MORC2: variants seen among roughly 807,000 people sequenced by gnomAD.
The protein encoded by MORC2 is ATPase MORC2.
A neutral mutation model predicts 136.0 loss-of-function variants in MORC2; 30 were observed. The ratio of observed to expected loss-of-function variants is 0.22; its 90% CI spans 0.17 to 0.30. The LOEUF (loss-of-function observed/expected upper bound fraction) is 0.30, where lower values mean the gene tolerates loss of function less well. MORC2 is among the 10% of genes least tolerant of loss of function. The pLI, the probability that MORC2 is intolerant of heterozygous loss-of-function variation, is 1.00. For missense variants in MORC2, 922 were observed against 1,333.1 expected (o/e 0.69, Z 4.80); for synonymous variants, 439 against 487.0 (o/e 0.90, Z 1.30).
At chr22:30,956,120 A>C (rs1228941645) in intron 3 of MORC2, among the ~76,000 whole-genome samples, 1 of 152,210 alleles carries the variant, frequency 6.6e-6, no homozygotes, top group African/African-American at 2.4e-5. Flanking sequence ...AACTATTAAA[A>C]TTAATGAGTT....
chr22:30,936,897 G>A (rs764015049), intron 16 of MORC2, 35 bp downstream of exon 16: 1 of 1,580,388 alleles, frequency 6.3e-7, no homozygotes, highest in Non-Finnish European at 8.7e-7. Flanking sequence ...GGGGAGAAAA[G>A]TACCCACAAT....
At chr22:30,951,940 C>A (rs1807686) in intron 3 of MORC2, among the ~76,000 whole-genome samples, 1 of 151,602 alleles carries the variant, frequency 6.6e-6, no homozygotes, top group Non-Finnish European at 1.5e-5. Flanking sequence ...AGAGTAGCTT[C>A]TGTAAGGCTA....
chr22:30,946,525 G>C, intron 5 of MORC2, 76 bp from the exon 6 acceptor site: 1 of 1,306,204 alleles, frequency 7.7e-7, no homozygotes, highest in South Asian at 1.4e-5. Context: ...AATCCACTCT[G>C]GACATGATTG....
intron 1 of MORC2, among the ~76,000 whole-genome samples, chr22:30,964,633 C>T (rs528826785): frequency 3.9e-5 from 6 of 152,338 alleles, no homozygotes; most frequent in South Asian, 2.1e-4. Flanking sequence ...AAAACCCTAA[C>T]ATTTATCATC....
At chr22:30,952,472 T>A (rs779158693) in intron 3 of MORC2, among the ~76,000 whole-genome samples, 3 of 152,232 alleles carry the variant, frequency 2.0e-5, no homozygotes, top group Non-Finnish European at 1.5e-5. Context: ...GGGGCTGGTA[T>A]CCTTTTCTGG....
intron 17 of MORC2, 96 bp downstream of exon 17, chr22:30,936,415 A>G: frequency 6.5e-7 from 1 of 1,535,790 alleles, no homozygotes; most frequent in Non-Finnish European, 8.8e-7. Flanking sequence ...GGAGGGTAAA[A>G]CTGAGCCTGA....
At chr22:30,935,606 G>A (rs749464173) in intron 17 of MORC2, among the ~76,000 whole-genome samples, 6 of 152,126 alleles carry the variant, frequency 3.9e-5, no homozygotes, top group Non-Finnish European at 5.9e-5. Context: ...GAAAGGGCCC[G>A]AAGGATAGGG....
intron 24 of MORC2, among the ~76,000 whole-genome samples, chr22:30,929,360 C>G (rs1284786656): frequency 6.6e-6 from 1 of 152,156 alleles, no homozygotes; most frequent in African/African-American, 2.4e-5. Context: ...GCTCCTGAGG[C>G]TCTATGGAAC....
At chr22:30,944,873 G>A (rs945385543) in intron 6 of MORC2, among the ~76,000 whole-genome samples, 1 of 152,140 alleles carries the variant, frequency 6.6e-6, no homozygotes, top group Non-Finnish European at 1.5e-5. Context: ...CCTCTCAACT[G>A]GAACACTCCA....
intron 9 of MORC2, 37 bp from the exon 10 acceptor site, chr22:30,940,874 G>A: frequency 6.4e-7 from 1 of 1,553,816 alleles, no homozygotes; most frequent in Non-Finnish European, 8.9e-7. Context: ...GGCCCACGCA[G>A]CAGTGGGGCA....
At chr22:30,952,547 T>G (rs1281422351) in intron 3 of MORC2, among the ~76,000 whole-genome samples, 1 of 152,194 alleles carries the variant, frequency 6.6e-6, no homozygotes, top group African/African-American at 2.4e-5. Context: ...ACTGGGGGGA[T>G]CCTCCTGGCT....
At chr22:30,950,337 G>GCGGGCC in intron 4 of MORC2, 40 bp downstream of exon 4, 2 of 761,762 alleles carry the variant, frequency 2.6e-6, no homozygotes, top group Non-Finnish European at 4.7e-6. Context: ...TGGTTACATC[G>GCGGGCC]CACCCCCCCA....
In MORC2 at chr22:30,926,736, G is replaced by T; in HGVS notation, c.*67C>A. The T allele has an allele frequency of 1.5e-6, 2 of 1,378,064 alleles. No homozygotes were observed. Among genetic ancestry groups the T allele is most frequent in the Non-Finnish European group, 2.0e-6 (2 of 982,380 alleles). 85.4% of individuals were successfully genotyped at this position (1,378,064 alleles called of 1,614,324 possible). On this transcript the variant is annotated 3_prime_UTR_variant, in exon 26 of 26. Coordinates refer to ENST00000397641, the MANE Select transcript of MORC2 (RefSeq NM_001303256.3). The stretch of plus-strand genomic sequence containing the variant: ...GTGCGACCACCAACCCATGAATGAA[G>T]TCCCCTCCCCCTGCAGCTACAGGGT...
At chr22:30,950,337 G>GCGGGGGCC in intron 4 of MORC2, 40 bp downstream of exon 4, 4 of 761,720 alleles carry the variant, frequency 5.3e-6, no homozygotes, top group Non-Finnish European at 9.4e-6. Context: ...TGGTTACATC[G>GCGGGGGCC]CACCCCCCCA....
At chr22:30,943,569 C>A (rs889649148) in intron 6 of MORC2, among the ~76,000 whole-genome samples, 1 of 152,216 alleles carries the variant, frequency 6.6e-6, no homozygotes, top group African/African-American at 2.4e-5. Flanking sequence ...TATGAGGCCG[C>A]AGCCCTTGCA....
Position 30,936,503 on chromosome 22 carries a change from C to A in MORC2, c.1737+8G>T, listed in dbSNP as rs758418910. The A allele has an allele frequency of 6.2e-7, 1 of 1,613,960 alleles. No individual in the cohort carries two copies. The highest frequency in any genetic ancestry group is 8.5e-7 in the Non-Finnish European group (1 of 1,179,894). ...GCTGGCTTTGCCCACTGACCATGAC[C>A]CACGTACCTGAAGGGCCTCCAGCTT... On this transcript the variant is annotated splice_region_variant and intron_variant, in intron 17 of 25. Coordinates refer to ENST00000397641, the MANE Select transcript of MORC2 (RefSeq NM_001303256.3).
chr22:30,940,504 T>C (rs2040727146), intron 10 of MORC2, among the ~76,000 whole-genome samples: 1 of 152,128 alleles, frequency 6.6e-6, no homozygotes, highest in Non-Finnish European at 1.5e-5. Context: ...GATTCTTCAA[T>C]TGGGATAAGC....
At chr22:30,935,842 C>A (rs1350593258) in intron 17 of MORC2, among the ~76,000 whole-genome samples, 1 of 152,104 alleles carries the variant, frequency 6.6e-6, no homozygotes, top group Admixed American at 6.5e-5. Context: ...TAAAAGTGGA[C>A]ACATGAAAAA....
rs1400105251 is a variant in MORC2 at position 30,934,740 on chromosome 22, C to T, written c.2193+41G>A. The T allele has an allele frequency of 1.9e-6, 3 of 1,602,140 alleles. No individual in the cohort carries two copies. The highest frequency in any genetic ancestry group is 2.6e-6 in the Non-Finnish European group (3 of 1,172,394). On this transcript the variant is annotated intron_variant, in intron 19 of 25. Transcript: ENST00000397641. This position sits in a 1 kb window ranked among gnomAD's most constrained non-coding sequence, Gnocchi z 4.4. ...ACTGCACAATTCCATTCCTACACTACTGACACTGGGCTGGGGTATTAAAGA... is the reference window on the plus strand; with the variant it reads ...ACTGCACAATTCCATTCCTACACTATTGACACTGGGCTGGGGTATTAAAGA...
Sources: allele counts gnomAD v4.1 joint callset (sites outside exome capture counted in the v4.1 genomes callset), GRCh38; gene constraint gnomAD v4.1.1; non-coding constraint Gnocchi (gnomAD v3.1); transcripts MANE v1.5; gene names NCBI Gene and HGNC (gene_info 2026-07-23, HGNC 2026-07-21).